Variants in RAP1GDS1 observed in about 807,000 individuals in gnomAD.
The protein encoded by RAP1GDS1 is Rap1 GTPase-GDP dissociation stimulator 1.
In RAP1GDS1, 35 loss-of-function variants were observed where a neutral mutation model predicts 71.1. That is an observed-to-expected ratio of 0.49 (90% CI 0.38 to 0.65). RAP1GDS1 has a LOEUF of 0.65. Ranked by LOEUF, RAP1GDS1 falls within the 30% of genes least tolerant of loss-of-function variation. The probability of loss-of-function intolerance (pLI) is 0.00; values close to 1 mark genes in which losing one functional copy is unlikely to be tolerated. For synonymous variants in RAP1GDS1, 229 were observed against 243.1 expected (o/e 0.94, Z 0.54); for missense variants, 663 against 706.1 (o/e 0.94, Z 0.69).
intron 13 of RAP1GDS1, among the ~76,000 whole-genome samples, chr4:98,434,706 C>T (rs1750915204): frequency 2.0e-5 from 3 of 151,498 alleles, no homozygotes; most frequent in South Asian, 4.2e-4. Context: ...CTGCAACGTC[C>T]GCGTCCTGGG....
Position 98,442,052 on chromosome 4 carries a change from C to A in RAP1GDS1, c.1759C>A (p.His587Asn). The change falls in exon 15 of 15, where the codon CAT (histidine) becomes AAT (asparagine). Residue 587 changes from histidine (H) to asparagine (N), a missense_variant. Physicochemically the swap from His to Asn is moderately conservative, Grantham distance 68 (BLOSUM62 1). Coordinates refer to ENST00000408927, the MANE Select transcript of RAP1GDS1 (RefSeq NM_001100427.2). Reference sequence around the variant, plus strand: ...AGATGTCGTATCCAAACTTCGCAGTCATGAGAACAAAAGTGTTGCCCAGCA... The same window carrying A: ...AGATGTCGTATCCAAACTTCGCAGTAATGAGAACAAAAGTGTTGCCCAGCA... Reference protein sequence around the residue: ...FLDVVSKLRSHENKSVAQQAS... With the variant: ...FLDVVSKLRSNENKSVAQQAS... The A allele has an allele frequency of 6.2e-7, 1 of 1,614,084 alleles. No individual in the cohort carries two copies. The highest frequency in any genetic ancestry group is 1.1e-5 in the South Asian group (1 of 91,056).
intron 12 of RAP1GDS1, among the ~76,000 whole-genome samples, chr4:98,426,769 C>T (rs1749673231): frequency 6.6e-6 from 1 of 152,114 alleles, no homozygotes; most frequent in Non-Finnish European, 1.5e-5. Context: ...GACAGATTCA[C>T]AGCTGAATTC....
chr4:98,316,273 G>A (rs1730928537), intron 2 of RAP1GDS1, among the ~76,000 whole-genome samples: 3 of 152,096 alleles, frequency 2.0e-5, no homozygotes, highest in Admixed American at 6.5e-5. Flanking sequence ...AGAAGGAGGA[G>A]TTGAAAGAAT....
At chr4:98,320,621 C>T (rs570103775) in intron 2 of RAP1GDS1, among the ~76,000 whole-genome samples, 3 of 151,406 alleles carry the variant, frequency 2.0e-5, no homozygotes, top group African/African-American at 7.3e-5. Flanking sequence ...CCCCTGACCC[C>T]CGAGCAGCCT....
chr4:98,340,161 A>G (rs1249359424), intron 2 of RAP1GDS1, among the ~76,000 whole-genome samples: 1 of 152,232 alleles, frequency 6.6e-6, no homozygotes, highest in Admixed American at 6.5e-5. Flanking sequence ...CATTCTACCC[A>G]ACAATTGTAT....
At chr4:98,406,845 G>A (rs995065485) in intron 7 of RAP1GDS1, among the ~76,000 whole-genome samples, 1 of 152,034 alleles carries the variant, frequency 6.6e-6, no homozygotes, top group Non-Finnish European at 1.5e-5. Context: ...CCAGGAAATC[G>A]CTGTATGTTT....
chr4:98,337,131 C>T (rs531800719), intron 2 of RAP1GDS1, among the ~76,000 whole-genome samples: 151 of 152,180 alleles, frequency 9.9e-4, no homozygotes, highest in Non-Finnish European at 1.7e-3. Context: ...CTGGCCTCAA[C>T]TGATCCGCCC....
At chr4:98,311,275 T>G (rs1730177798) in intron 2 of RAP1GDS1, among the ~76,000 whole-genome samples, 1 of 152,218 alleles carries the variant, frequency 6.6e-6, no homozygotes, top group Non-Finnish European at 1.5e-5. Flanking sequence ...TCTAGAGGAA[T>G]ATAAATGTAA....
intron 4 of RAP1GDS1, among the ~76,000 whole-genome samples, chr4:98,362,246 A>G (rs1317486940): frequency 6.6e-6 from 1 of 152,166 alleles, no homozygotes; most frequent in Non-Finnish European, 1.5e-5. Context: ...TTCAGAGGCT[A>G]AGGTGAGAGG....
chr4:98,303,469 T>C (rs1728865620), intron 2 of RAP1GDS1, among the ~76,000 whole-genome samples: 3 of 151,778 alleles, frequency 2.0e-5, no homozygotes, highest in Admixed American at 2.0e-4. Context: ...TTAAAAATTT[T>C]GTGAAATATT....
At chr4:98,354,156 G>A (rs978312104) in intron 4 of RAP1GDS1, among the ~76,000 whole-genome samples, 7 of 149,466 alleles carry the variant, frequency 4.7e-5, no homozygotes, top group Admixed American at 3.4e-4. Flanking sequence ...TCCGCTTCCC[G>A]GGTTCACGCC....
At chr4:98,379,246 A>G (rs1741632174) in intron 5 of RAP1GDS1, 83 bp downstream of exon 5, 2 of 1,218,796 alleles carry the variant, frequency 1.6e-6, no homozygotes, top group Non-Finnish European at 2.2e-6. Flanking sequence ...AAAATATTTG[A>G]AAAATGATGA....
At chr4:98,344,599 A>G (rs968488835) in intron 3 of RAP1GDS1, among the ~76,000 whole-genome samples, 4 of 152,188 alleles carry the variant, frequency 2.6e-5, no homozygotes, top group African/African-American at 7.2e-5. Context: ...TCTGCTTTGA[A>G]GAGTTTCTTA....
chr4:98,397,309 C>A (rs1224486968), intron 6 of RAP1GDS1, among the ~76,000 whole-genome samples: 2 of 152,030 alleles, frequency 1.3e-5, no homozygotes, highest in Non-Finnish European at 2.9e-5. Context: ...GAGACTTTGC[C>A]TCTTTTAAAA....
At chr4:98,431,734 C>G (rs759076758) in intron 12 of RAP1GDS1, among the ~76,000 whole-genome samples, 4 of 152,152 alleles carry the variant, frequency 2.6e-5, no homozygotes, top group African/African-American at 4.8e-5. Flanking sequence ...TAAAAATTTG[C>G]TAATATCTAT....
At chr4:98,390,329 A>G (rs1743421238) in intron 5 of RAP1GDS1, among the ~76,000 whole-genome samples, 1 of 152,212 alleles carries the variant, frequency 6.6e-6, no homozygotes, top group African/African-American at 2.4e-5. Context: ...ATTTAACATC[A>G]AAAGTATAAA....
At chr4:98,437,091 A>G (rs1303178521) in intron 14 of RAP1GDS1, 23 bp downstream of exon 14, 1 of 1,568,412 alleles carries the variant, frequency 6.4e-7, no homozygotes, top group African/African-American at 1.4e-5. Flanking sequence ...CTATCATTTG[A>G]TGTCCATAAA....
intron 2 of RAP1GDS1, among the ~76,000 whole-genome samples, chr4:98,297,753 A>G (rs1393261032): frequency 6.6e-6 from 1 of 152,170 alleles, no homozygotes; most frequent in African/African-American, 2.4e-5. Flanking sequence ...TAATAATCCT[A>G]CAGTGGCCTG....
At chr4:98,264,450 GAAAGAAAAGTCCTATATA>G (rs1578234395) in intron 1 of RAP1GDS1, among the ~76,000 whole-genome samples, 1 of 152,170 alleles carries the variant, frequency 6.6e-6, no homozygotes, top group East Asian at 1.9e-4. Context: ...ACAAGAGAGT[GAAAGAAAAGTCCTATATA>G]ACTTTATGGC....
Sources: allele counts gnomAD v4.1 joint callset (sites outside exome capture counted in the v4.1 genomes callset), GRCh38; gene constraint gnomAD v4.1.1; transcripts MANE v1.5; gene names NCBI Gene and HGNC (gene_info 2026-07-23, HGNC 2026-07-21).